The following SPECC1 variants were observed in gnomAD, a reference collection of about 807,000 sequenced individuals.
The protein encoded by SPECC1 is sperm antigen with calponin homology and coiled-coil domains 1.
Under a neutral mutation model 104.1 loss-of-function variants are expected in SPECC1, and 62 were observed. The ratio of observed to expected loss-of-function variants is 0.60; its 90% CI spans 0.49 to 0.74. The LOEUF (loss-of-function observed/expected upper bound fraction) is 0.74. Ranked by LOEUF, SPECC1 falls within the 30% of genes least tolerant of loss-of-function variation. The pLI is 0.00. For missense variants in SPECC1, 1,306 were observed against 1,310.5 expected (o/e 1.00, Z 0.05); for synonymous variants, 513 against 501.6 (o/e 1.02, Z -0.30).
intron 3 of SPECC1, chr17:20,155,827 C>T (rs1052834844): frequency 1.3e-6 from 1 of 782,908 alleles, no homozygotes; most frequent in African/African-American, 1.8e-5. Flanking sequence ...GCCGGTGCGT[C>T]CCGCCCACGG....
At chr17:20,053,246 C>G (rs937138625) in intron 1 of SPECC1, among the ~76,000 whole-genome samples, 4 of 152,154 alleles carry the variant, frequency 2.6e-5, no homozygotes, top group Middle Eastern at 3.2e-3. Flanking sequence ...GACTCCACTT[C>G]TTTTACCTTT....
At chr17:20,099,120 G>A (rs910285045) in intron 2 of SPECC1, among the ~76,000 whole-genome samples, 1 of 152,142 alleles carries the variant, frequency 6.6e-6, no homozygotes, top group Admixed American at 6.5e-5. Flanking sequence ...CACCTTCTTT[G>A]TCATAAGGAG....
chr17:20,262,083 C>CT (rs1438272764), intron 12 of SPECC1, among the ~76,000 whole-genome samples: 1 of 152,136 alleles, frequency 6.6e-6, no homozygotes, highest in Non-Finnish European at 1.5e-5. Context: ...TTGCAGCTAG[C>CT]TTTTTTTACA....
intron 2 of SPECC1, among the ~76,000 whole-genome samples, chr17:20,110,139 A>G (rs1246955758): frequency 6.6e-6 from 1 of 152,126 alleles, no homozygotes; most frequent in African/African-American, 2.4e-5. Context: ...GCCCAGCCAC[A>G]TTTTTTAAGG....
chr17:20,104,834 T>G (rs1441561189), intron 2 of SPECC1, among the ~76,000 whole-genome samples: 2 of 151,026 alleles, frequency 1.3e-5, no homozygotes, highest in East Asian at 1.9e-4. Flanking sequence ...CAGGGCTCCA[T>G]GGCTCACAGG....
chr17:20,285,810 C>T lies in SPECC1; in HGVS notation c.2941-11151C>T, dbSNP rs540167866. Among the ~76,000 whole-genome samples the T allele has an allele frequency of 3.1e-4, 45 of 143,262 alleles. No homozygotes were observed. In the South Asian group the frequency reaches 8.9e-3, roughly 28 times the overall value. The allele number at this position is 143,262 out of a possible 152,430, so 94.0% of individuals were successfully genotyped here. On this transcript the variant is annotated intron_variant, in intron 12 of 14. Coordinates refer to ENST00000395527, the MANE Select transcript of SPECC1 (RefSeq NM_001243439.2). ...CCTTCCCTCCCTCCCTTTCTTTCTT[C>T]CTTCCTTCCTTTTTTTTTTTTTGAT...
chr17:20,129,990 G>A (rs1029992669), intron 3 of SPECC1, among the ~76,000 whole-genome samples: 5 of 152,166 alleles, frequency 3.3e-5, no homozygotes, highest in Admixed American at 2.0e-4. Context: ...CTGACCTCAG[G>A]TGATCCACCT....
intron 3 of SPECC1, among the ~76,000 whole-genome samples, chr17:20,147,323 G>T (rs1457353743): frequency 6.6e-6 from 1 of 151,976 alleles, no homozygotes; most frequent in South Asian, 2.1e-4. Context: ...TGCCTGCCTT[G>T]GCCTCCCAAA....
At chr17:20,212,313 A>C (rs1414100788) in intron 4 of SPECC1, among the ~76,000 whole-genome samples, 1 of 152,222 alleles carries the variant, frequency 6.6e-6, no homozygotes, top group Non-Finnish European at 1.5e-5. Context: ...GCCAGAACAG[A>C]AACACCCCAC....
chr17:20,072,501 T>C (rs1179630025), intron 1 of SPECC1, among the ~76,000 whole-genome samples: 3 of 152,210 alleles, frequency 2.0e-5, no homozygotes, highest in Non-Finnish European at 4.4e-5. Context: ...GCAGGTTCAG[T>C]GCATTGTGCC....
chr17:20,205,461 C>G lies in SPECC1; in HGVS notation c.1412C>G (p.Thr471Arg), dbSNP rs763476815. 1 of 1,613,954 alleles carries G rather than the reference C, an allele frequency of 6.2e-7. No homozygotes were observed. Among genetic ancestry groups the G allele is most frequent in the African/African-American group, 1.3e-5 (1 of 74,932 alleles). ...ATTATTGAACTGGAGCAGAAGTGCA[C>G]AGGTATTCTTGAACAGGGCCGCTTT... is the stretch of plus-strand genomic sequence containing the variant. ...GKIIELEQKC[T>R]GILEQGRFER... The change falls in exon 4 of 15, where the codon ACA becomes AGA. Residue 471 changes from threonine (T) to arginine (R), a missense_variant. Coordinates refer to ENST00000395527, the MANE Select transcript of SPECC1 (RefSeq NM_001243439.2).
At chr17:20,026,570 A>T (rs1025757081) in intron 1 of SPECC1, among the ~76,000 whole-genome samples, 1 of 133,088 alleles carries the variant, frequency 7.5e-6, no homozygotes, top group East Asian at 2.3e-4. Flanking sequence ...TTCATTAAAT[A>T]TAATGTCCTC....
chr17:20,232,298 C>G lies in SPECC1; in HGVS notation c.2244C>G (p.Thr748=). Reference sequence around the variant, plus strand: ...GTGAGGCCCAGCAGGAGCTGCGCACCGTGAAGAGGAAACTGCTGGAGGAGG... The same window carrying G: ...GTGAGGCCCAGCAGGAGCTGCGCACGGTGAAGAGGAAACTGCTGGAGGAGG... ...IKCEAQQELR[T]VKRKLLEEEE... is the part of the protein sequence containing the mutation. Residue 748 remains threonine (T), a synonymous_variant, in exon 7 of 15, where the codon ACC becomes ACG. Coordinates refer to ENST00000395527, the MANE Select transcript of SPECC1 (RefSeq NM_001243439.2). 1 of 1,614,084 alleles carries G rather than the reference C, an allele frequency of 6.2e-7. No homozygotes were observed. Among genetic ancestry groups the G allele is most frequent in the Non-Finnish European group, 8.5e-7 (1 of 1,180,018 alleles).
chr17:20,252,758 C>T (rs1004906270), intron 9 of SPECC1, among the ~76,000 whole-genome samples: 1 of 152,100 alleles, frequency 6.6e-6, no homozygotes, highest in Non-Finnish European at 1.5e-5. Flanking sequence ...TTTCTTCGTC[C>T]ATTCATCTGG....
At chr17:20,256,785 CAG>C (rs1313882288) in intron 10 of SPECC1, among the ~76,000 whole-genome samples, 1 of 152,154 alleles carries the variant, frequency 6.6e-6, no homozygotes, top group East Asian at 1.9e-4. Context: ...GAGGCTGAGA[CAG>C]AGGATCATTA....
At chr17:20,263,369 T>TGG in intron 12 of SPECC1, among the ~76,000 whole-genome samples, 1 of 43,472 alleles carries the variant, frequency 2.3e-5, no homozygotes, top group South Asian at 8.0e-4. Flanking sequence ...GGGCCTGTTG[T>TGG]GGGGTGGGGG....
chr17:20,249,105 C>T (rs2703785), intron 9 of SPECC1, among the ~76,000 whole-genome samples: 107,827 of 152,172 alleles, frequency 0.71, 40,014 homozygotes, highest in East Asian at 0.99. Flanking sequence ...AAAAATACAA[C>T]GTTATATAGT....
intron 3 of SPECC1, among the ~76,000 whole-genome samples, chr17:20,189,717 T>A (rs1296910004): frequency 6.6e-6 from 1 of 152,180 alleles, no homozygotes; most frequent in Non-Finnish European, 1.5e-5. Flanking sequence ...CTGTTCATAG[T>A]GGCCGTGGTA....
intron 3 of SPECC1, among the ~76,000 whole-genome samples, chr17:20,116,282 G>A (rs1597741648): frequency 6.6e-6 from 1 of 151,868 alleles, no homozygotes; most frequent in Non-Finnish European, 1.5e-5. Flanking sequence ...TAGAGATGGG[G>A]TTTCACCATG....
Sources: gnomAD v4.1 joint callset for allele counts (sites outside exome capture counted in the v4.1 genomes callset) on GRCh38, gnomAD v4.1.1 for gene constraint, MANE v1.5 for transcripts, NCBI Gene and HGNC (gene_info 2026-07-23, HGNC 2026-07-21) for gene names.